TJP1: variants seen among roughly 807,000 people sequenced by gnomAD.
The protein encoded by TJP1 is tight junction protein ZO-1.
In TJP1, 43 loss-of-function variants were observed where a neutral mutation model predicts 194.2. The observed-to-expected ratio is 0.22, with a 90% CI of 0.17 to 0.29. TJP1 has a LOEUF of 0.29. Ranked by LOEUF, TJP1 falls within the 10% of genes least tolerant of loss-of-function variation. The pLI, the probability that TJP1 is intolerant of heterozygous loss-of-function variation, is 1.00. For synonymous variants in TJP1, 801 were observed against 779.0 expected (o/e 1.03, Z -0.47); for missense variants, 1,971 against 2,185.7 (o/e 0.90, Z 1.96).
chr15:29,707,014 A>G (rs1025242332), intron 25 of TJP1, among the ~76,000 whole-genome samples: 4 of 152,016 alleles, frequency 2.6e-5, no homozygotes, highest in African/African-American at 9.7e-5. Context: ...AGCATCTCAG[A>G]CTTGATAAAA....
intron 2 of TJP1, among the ~76,000 whole-genome samples, chr15:29,829,046 C>T (rs997713290): frequency 7.9e-5 from 12 of 152,148 alleles, no homozygotes; most frequent in African/African-American, 2.7e-4. Flanking sequence ...GCCACCATGC[C>T]GGGCCCCAAT....
chr15:29,735,341 C>A (rs1361452732), intron 11 of TJP1, among the ~76,000 whole-genome samples: 1 of 152,046 alleles, frequency 6.6e-6, no homozygotes, highest in Non-Finnish European at 1.5e-5. Context: ...GTAATCCCAG[C>A]ACTCTGGGAG....
intron 8 of TJP1, among the ~76,000 whole-genome samples, chr15:29,745,268 T>G (rs2044687524): frequency 7.2e-6 from 1 of 137,952 alleles, no homozygotes; most frequent in Admixed American, 7.7e-5. Context: ...AAGACCCAGG[T>G]AGTATAATCA....
chr15:29,774,108 G>C (rs1387570472), intron 2 of TJP1, among the ~76,000 whole-genome samples: 1 of 152,038 alleles, frequency 6.6e-6, no homozygotes, highest in Non-Finnish European at 1.5e-5. Context: ...AGTTTAAAGA[G>C]ACAATATACA....
At chr15:29,701,999 T>C (rs1595532407) in intron 27 of TJP1, among the ~76,000 whole-genome samples, 1 of 152,186 alleles carries the variant, frequency 6.6e-6, no homozygotes, top group South Asian at 2.1e-4. Flanking sequence ...TCAAGTGCAT[T>C]GGCCTTTTCA....
chr15:29,797,144 A>G (rs2048465639), intron 2 of TJP1, among the ~76,000 whole-genome samples: 1 of 152,188 alleles, frequency 6.6e-6, no homozygotes, highest in South Asian at 2.1e-4. Context: ...GACTTTATCA[A>G]AAATTTTTCT....
chr15:29,879,738 G>T (rs2052858197), intron 2 of TJP1, among the ~76,000 whole-genome samples: 1 of 151,772 alleles, frequency 6.6e-6, no homozygotes, highest in Non-Finnish European at 1.5e-5. Context: ...TTGAGACAGG[G>T]TCTCACTCTG....
At chr15:29,937,388 T>C (rs2054920558) in intron 2 of TJP1, among the ~76,000 whole-genome samples, 1 of 152,142 alleles carries the variant, frequency 6.6e-6, no homozygotes, top group Non-Finnish European at 1.5e-5. Context: ...GAAAATTATA[T>C]TTTAAAATAA....
At chr15:29,956,408 G>A in intron 1 of TJP1, 1 of 1,264,002 alleles carries the variant, frequency 7.9e-7, no homozygotes. Flanking sequence ...GTTTACAGGT[G>A]AACACATTTC....
At chr15:29,752,585 T>A (rs1329867895) in intron 8 of TJP1, among the ~76,000 whole-genome samples, 1 of 152,066 alleles carries the variant, frequency 6.6e-6, no homozygotes, top group Non-Finnish European at 1.5e-5. Context: ...TTTTGGCCCC[T>A]CACAAAAGCA....
intron 2 of TJP1, among the ~76,000 whole-genome samples, chr15:29,934,741 T>C (rs2054828563): frequency 6.6e-6 from 1 of 152,232 alleles, no homozygotes; most frequent in Non-Finnish European, 1.5e-5. Context: ...ACAACTGAAA[T>C]ATTTGGAACT....
At chr15:29,824,075 C>G (rs191961487), upstream of TJP1, 4 of 62,366 alleles carry the variant, frequency 6.4e-5, no homozygotes, top group East Asian at 2.1e-3. Context: ...CAGCAAGACT[C>G]TGTCTCAAAA....
At chr15:29,966,973 T>C (rs2056356011) in intron 1 of TJP1, among the ~76,000 whole-genome samples, 1 of 152,280 alleles carries the variant, frequency 6.6e-6, no homozygotes, top group Non-Finnish European at 1.5e-5. Context: ...GTGGCTAACC[T>C]TGTCTTCTAA....
chr15:29,968,517 G>T (rs1327432539), intron 1 of TJP1: 4 of 808,562 alleles, frequency 4.9e-6, no homozygotes, highest in East Asian at 1.3e-4. Context: ...GCTGCGCCCC[G>T]CGCGGCGCGC....
rs940351522 is a variant in TJP1, at chr15:29,899,791, C to T, written c.306+56441G>A. Reference sequence around the variant, plus strand: ...GTAAAAAGGACCCCACCGACCCACTCACCCACACACTAACACAAAATAGTT... The same window carrying T: ...GTAAAAAGGACCCCACCGACCCACTTACCCACACACTAACACAAAATAGTT... On this transcript the variant is annotated intron_variant, in intron 2 of 28. Transcript: ENST00000356107. Among the ~76,000 whole-genome samples the T allele has an allele frequency of 3.3e-5, 5 of 152,322 alleles. No homozygotes were observed. In the East Asian group the frequency reaches 9.6e-4, roughly 29 times the overall value.
intron 5 of TJP1, among the ~76,000 whole-genome samples, chr15:29,763,323 T>C (rs940527022): frequency 6.6e-6 from 1 of 152,180 alleles, no homozygotes; most frequent in Non-Finnish European, 1.5e-5. Context: ...TGACTACAAC[T>C]ATCAATATAA....
chr15:29,856,008 T>C (rs2051836265), intron 2 of TJP1, among the ~76,000 whole-genome samples: 1 of 152,360 alleles, frequency 6.6e-6, no homozygotes, highest in East Asian at 1.9e-4. Flanking sequence ...GGAACTTGTA[T>C]GCAAACATTC....
At position 29,708,860 on chromosome 15, in the gene TJP1, G is replaced by C; in HGVS notation, c.4549C>G (p.Gln1517Glu). Residue 1517 changes from glutamine (Q) to glutamate (E), a missense_variant, in exon 25 of 28, where the codon CAG (glutamine) becomes GAG (glutamate). Transcript: ENST00000614355. ...TTGTATGCTGGAGTGACTGTTTTCTGAGTCTGTTCAGTTCCATTAACTGGG... is the reference window on the plus strand; with the variant it reads ...TTGTATGCTGGAGTGACTGTTTTCTCAGTCTGTTCAGTTCCATTAACTGGG... ...KAPVNGTEQTQKTVTPAYNRF... is the reference protein window; with the variant it reads ...KAPVNGTEQTEKTVTPAYNRF... 1 of 1,614,148 alleles carries C rather than the reference G, an allele frequency of 6.2e-7. No homozygotes were observed. Among genetic ancestry groups the C allele is most frequent in the Non-Finnish European group, 8.5e-7 (1 of 1,180,014 alleles).
chr15:29,816,238 G>T (rs1596006822), intron 1 of TJP1, among the ~76,000 whole-genome samples: 1 of 152,008 alleles, frequency 6.6e-6, no homozygotes, highest in East Asian at 1.9e-4. Context: ...CGTGTTGGTT[G>T]TGCTGGTCTT....
Sources: gnomAD v4.1 joint callset for allele counts (sites outside exome capture counted in the v4.1 genomes callset) on GRCh38, gnomAD v4.1.1 for gene constraint, MANE v1.5 for transcripts, NCBI Gene and HGNC (gene_info 2026-07-23, HGNC 2026-07-21) for gene names.